PKHD1: variants seen among roughly 807,000 people sequenced by gnomAD.
PKHD1 encodes the protein PKHD1 ciliary IPT domain containing fibrocystin/polyductin.
A neutral mutation model predicts 412.0 loss-of-function variants in PKHD1; 291 were observed. The observed-to-expected ratio is 0.71, with a 90% CI of 0.64 to 0.78. The LOEUF is 0.78. Ranked by LOEUF, PKHD1 falls within the 30% of genes least tolerant of loss-of-function variation. PKHD1 has a pLI of 0.00. For missense variants in PKHD1, 4,825 were observed against 4,950.7 expected (o/e 0.97, Z 0.76); for synonymous variants, 1,777 against 1,821.5 (o/e 0.98, Z 0.62).
chr6:52,041,245 C>T (rs562109526), intron 27 of PKHD1, among the ~76,000 whole-genome samples: 1 of 152,222 alleles, frequency 6.6e-6, no homozygotes, highest in Non-Finnish European at 1.5e-5. Context: ...TGATAGGCCC[C>T]AGCCTGGTTC....
chr6:51,619,223 C>T lies in PKHD1; in HGVS notation c.12083G>A (p.Arg4028Lys). The T allele has an allele frequency of 6.2e-7, 1 of 1,614,280 alleles. No individual in the cohort carries two copies. The highest frequency in any genetic ancestry group is 8.5e-7 in the Non-Finnish European group (1 of 1,180,038). The change falls in exon 67 of 67, where the codon AGG (arginine) becomes AAG (lysine). Residue 4028 changes from arginine to lysine, a missense_variant. By Grantham distance (26) the Arg-to-Lys change is conservative (BLOSUM62 2). Coordinates refer to ENST00000371117, the MANE Select transcript of PKHD1 (RefSeq NM_138694.4). ...LLLCPDFRQE[R>K]QQLPGQSRLS... ...CCGACTTTGCCCTGGCAACTGCTGC[C>T]TCTCTTGTCTGAAGTCTGGGCATAG...
intron 54 of PKHD1, among the ~76,000 whole-genome samples, chr6:51,775,410 G>A (rs1402800468): frequency 6.6e-6 from 1 of 151,854 alleles, no homozygotes; most frequent in African/African-American, 2.4e-5. Context: ...TGTGGCAATA[G>A]CAAATAAAGA....
chr6:51,867,119 C>T (rs1469985552), intron 48 of PKHD1, among the ~76,000 whole-genome samples: 2 of 152,140 alleles, frequency 1.3e-5, no homozygotes, highest in Non-Finnish European at 2.9e-5. Context: ...GACTGAATTA[C>T]TTGACTTAAT....
In PKHD1 at chr6:52,025,720, A is replaced by T; in HGVS notation, c.4090T>A (p.Tyr1364Asn). Residue 1364 changes from tyrosine (Y) to asparagine (N), a missense_variant, in exon 32 of 67, where the codon TAT becomes AAT. By Grantham distance (143) the Tyr-to-Asn change is moderately radical (BLOSUM62 -2). Coordinates refer to ENST00000371117, the MANE Select transcript of PKHD1 (RefSeq NM_138694.4). Reference protein sequence around the residue: ...IPLHSLEAGIYPLQVRQKQMG... With the variant: ...IPLHSLEAGINPLQVRQKQMG... The stretch of plus-strand genomic sequence containing the variant: ...TGCTTCTGACGTACTTGGAGAGGAT[A>T]GATGCCAGCCTCCAGACTGTGAAGA... 1.2e-6 allele frequency: 2 copies of T among 1,614,236 alleles called. No individual in the cohort carries two copies. The highest frequency in any genetic ancestry group is 1.7e-6 in the Non-Finnish European group (2 of 1,180,046).
Position 52,035,621 on chromosome 6 carries a change from T to C in PKHD1, c.3198A>G (p.Ser1066=), listed in dbSNP as rs2128168777. The C allele has an allele frequency of 1.2e-6, 2 of 1,614,006 alleles. No homozygotes were observed. The highest frequency in any genetic ancestry group is 1.7e-6 in the Non-Finnish European group (2 of 1,179,902). Residue 1066 remains serine, a synonymous_variant, in exon 28 of 67, where the codon TCA becomes TCG. Coordinates refer to ENST00000371117, the MANE Select transcript of PKHD1 (RefSeq NM_138694.4). ...SCAINVATSN[S]SRIQCKVPPR... ...GTGGAACTTTGCACTGAATTCTGCT[T>C]GAATTGCTTGTAGCGACATTGATGG...
At chr6:52,028,030 T>C (rs1802482461) in intron 30 of PKHD1, 126 bp downstream of exon 30, 4 of 1,189,810 alleles carry the variant, frequency 3.4e-6, no homozygotes, top group African/African-American at 1.5e-5. Context: ...TCCAATGTTA[T>C]GATGTTCATG....
intron 50 of PKHD1, among the ~76,000 whole-genome samples, chr6:51,843,391 A>G (rs1028307811): frequency 6.6e-6 from 1 of 152,236 alleles, no homozygotes; most frequent in African/African-American, 2.4e-5. Flanking sequence ...AATCCTACAA[A>G]GCTTGTAAAC....
chr6:51,762,399 C>T (rs2151069311), intron 55 of PKHD1, among the ~76,000 whole-genome samples: 1 of 152,206 alleles, frequency 6.6e-6, no homozygotes, highest in South Asian at 2.1e-4. Context: ...GTGTCTAAAT[C>T]TAACTTGTCT....
chr6:51,847,936 T>C lies in PKHD1; in HGVS notation c.7946A>G (p.Asn2649Ser). The C allele has an allele frequency of 7.4e-6, 12 of 1,613,964 alleles. No homozygotes were observed. The highest frequency in any genetic ancestry group is 1.1e-5 in the South Asian group (1 of 91,070). ...SATFDNFAPG[N>S]YLLLVHTDLP... ...ATCTGTGTGCACCAGCAGTAGGTAA[T>C]TACCAGGAGCAAAGTTGTCAAAGGT... The change falls in exon 50 of 67, where the codon AAT (asparagine) becomes AGT (serine). Residue 2649 changes from asparagine to serine, a missense_variant. By Grantham distance (46) the Asn-to-Ser change is conservative. Transcript: ENST00000371117.
At chr6:51,818,865 C>T (rs1274968975) in intron 52 of PKHD1, among the ~76,000 whole-genome samples, 1 of 152,048 alleles carries the variant, frequency 6.6e-6, no homozygotes, top group Non-Finnish European at 1.5e-5. Flanking sequence ...AGAAAAAACA[C>T]TGGAGGACAA....
At chr6:51,874,326 G>A (rs1776493475) in intron 46 of PKHD1, among the ~76,000 whole-genome samples, 1 of 152,124 alleles carries the variant, frequency 6.6e-6, no homozygotes, top group Admixed American at 6.5e-5. Context: ...AGAATGCTGG[G>A]ACAATAGGTA....
chr6:51,783,698 A>G (rs1040891557), intron 53 of PKHD1, among the ~76,000 whole-genome samples: 7 of 152,154 alleles, frequency 4.6e-5, no homozygotes, highest in African/African-American at 9.7e-5. Context: ...TGTTTAAAAA[A>G]ACATTTAAAT....
intron 60 of PKHD1, among the ~76,000 whole-genome samples, chr6:51,707,167 A>T (rs1040243884): frequency 2.0e-5 from 3 of 152,172 alleles, no homozygotes; most frequent in African/African-American, 7.2e-5. Flanking sequence ...CTGGGGAGTG[A>T]TTTCCAAATT....
chr6:51,646,204 T>C (rs182245129), intron 63 of PKHD1, among the ~76,000 whole-genome samples: 17 of 152,304 alleles, frequency 1.1e-4, no homozygotes, highest in Admixed American at 4.6e-4. Context: ...AAGCCCAGAA[T>C]TGGACTGTGA....
Position 51,652,083 on chromosome 6 carries a change from G to A in PKHD1, c.11175-2863C>T, listed in dbSNP as rs540519251. Among the ~76,000 whole-genome samples, 2 of 152,218 alleles carry A rather than the reference G, an allele frequency of 1.3e-5. 1 individual carries two copies. The highest frequency in any genetic ancestry group is 4.1e-4 in the South Asian group (2 of 4,822). On this transcript the variant is annotated intron_variant, in intron 61 of 66. Coordinates refer to ENST00000371117, the MANE Select transcript of PKHD1 (RefSeq NM_138694.4). ...TGTGACTGTAGCCTGCAGGCAGAAG[G>A]ACCTACAGCCAAACTTTAAAAAATG... is the stretch of plus-strand genomic sequence containing the variant.
chr6:51,754,327 G>A (rs1040207326), intron 56 of PKHD1, among the ~76,000 whole-genome samples: 2 of 152,066 alleles, frequency 1.3e-5, no homozygotes, highest in African/African-American at 2.4e-5. Flanking sequence ...TACATAAAAT[G>A]TACTTCATGT....
In PKHD1 at chr6:51,753,321, T is replaced by C. The variant is rs773010322; in HGVS notation, c.8830A>G (p.Ile2944Val). 9.9e-6 allele frequency: 16 copies of C among 1,613,710 alleles called. No individual in the cohort carries two copies. The highest frequency in any genetic ancestry group is 8.9e-5 in the East Asian group (4 of 44,894). ...SVHVTEDGRHIRLAAEVGLLT... is the reference protein window; with the variant it reads ...SVHVTEDGRHVRLAAEVGLLT... ...AGTCCAACCTCAGCAGCCAAACGAA[T>C]GTGTCGGCCATCCTCCGTGACATGT... Residue 2944 changes from isoleucine to valine, a missense_variant, in exon 57 of 67, where the codon ATT (isoleucine) becomes GTT (valine). Physicochemically the swap from Ile to Val is conservative, Grantham distance 29. Transcript: ENST00000371117.
intron 49 of PKHD1, among the ~76,000 whole-genome samples, chr6:51,855,370 C>T (rs1773090361): frequency 2.0e-5 from 3 of 152,182 alleles, no homozygotes; most frequent in African/African-American, 7.2e-5. Flanking sequence ...GCCATCTTGC[C>T]ACACGGCCAT....
At position 51,898,912 on chromosome 6, in the gene PKHD1, T is replaced by C. The variant is rs184061624; in HGVS notation, c.6996+4685A>G. ...CCTCTACGCAAATAAACTAGAAAATTTAGAAGAAATGGATAAATTCCTGAA... is the reference window on the plus strand; with the variant it reads ...CCTCTACGCAAATAAACTAGAAAATCTAGAAGAAATGGATAAATTCCTGAA... On this transcript the variant is annotated intron_variant, in intron 43 of 66. Transcript: ENST00000371117. Among the ~76,000 whole-genome samples the C allele has an allele frequency of 6.6e-4, 101 of 152,096 alleles. 1 individual carries two copies. Among genetic ancestry groups the C allele is most frequent in the Non-Finnish European group, 4.3e-4 (29 of 67,966 alleles).
Sources: gnomAD v4.1 joint callset for allele counts (sites outside exome capture counted in the v4.1 genomes callset) on GRCh38, gnomAD v4.1.1 for gene constraint, MANE v1.5 for transcripts, NCBI Gene and HGNC (gene_info 2026-07-23, HGNC 2026-07-21) for gene names.